CHST12: variants seen among roughly 807,000 people sequenced by gnomAD.
CHST12 encodes the protein carbohydrate (chondroitin 4) sulfotransferase 12.
In CHST12, 23 loss-of-function variants were observed where a neutral mutation model predicts 27.9. The ratio of observed to expected loss-of-function variants is 0.82; its 90% CI spans 0.59 to 1.17. CHST12 has a LOEUF of 1.17. Among genes scored for constraint, CHST12 ranks in the 50% most tolerant of loss-of-function variants. CHST12 has a pLI of 0.00. For missense variants in CHST12, 682 were observed against 603.0 expected, an observed-to-expected ratio of 1.13 and a Z score of -1.37; for synonymous variants, 322 against 273.0, an observed-to-expected ratio of 1.18 and a Z score of -1.77.
At chr7:2,414,081 T>C (rs997359273) in intron 1 of CHST12, among the ~76,000 whole-genome samples, 1 of 152,128 alleles carries the variant, frequency 6.6e-6, no homozygotes, top group East Asian at 1.9e-4. Context: ...GATGAGCACT[T>C]TCCTATGTGC....
In CHST12 at chr7:2,434,548, C is replaced by G. The variant is rs1380637981; in HGVS notation, c.*664C>G. On this transcript the variant is annotated 3_prime_UTR_variant, in exon 2 of 2. Coordinates refer to ENST00000618655, the MANE Select transcript of CHST12 (RefSeq NM_018641.5). Reference sequence around the variant, plus strand: ...ATCGCTTGAGGTCAGGAATTTGAGACCTGGCCAACATGGTGAAACCCTGTC... The same window carrying G: ...ATCGCTTGAGGTCAGGAATTTGAGAGCTGGCCAACATGGTGAAACCCTGTC... The G allele has an allele frequency of 2.4e-5, 3 of 127,348 alleles. 1 individual carries two copies. The Admixed American group carries it at 3.6e-4, about 15-fold the overall frequency. 7.9% of individuals were successfully genotyped at this position (127,348 alleles called of 1,614,324 possible). A position where few individuals can be genotyped will look rare whatever the true frequency, so the allele number is the denominator to read the frequency against.
At chr7:2,417,919 T>C (rs1434125031) in intron 1 of CHST12, among the ~76,000 whole-genome samples, 1 of 152,262 alleles carries the variant, frequency 6.6e-6, no homozygotes, top group Non-Finnish European at 1.5e-5. Flanking sequence ...GTGTGATCGA[T>C]GTCAGTTCTG....
At chr7:2,411,644 C>T (rs542634637) in intron 1 of CHST12, among the ~76,000 whole-genome samples, 4 of 152,160 alleles carry the variant, frequency 2.6e-5, no homozygotes, top group East Asian at 1.9e-4. Context: ...TGCCAGCCAC[C>T]ACACCCAGCT....
At chr7:2,428,531 GC>G (rs1439406785) in intron 1 of CHST12, among the ~76,000 whole-genome samples, 1 of 152,200 alleles carries the variant, frequency 6.6e-6, no homozygotes, top group African/African-American at 2.4e-5. Context: ...GTCCTGCGAT[GC>G]CGCCAATGCA....
Position 2,432,545 on chromosome 7 carries a change from G to A in CHST12, c.-77-18G>A. ...CAGTGCACCTCAGTCATTAACTAGT[G>A]TGTCATTGCATCTGCAGGTTCCCAG... On this transcript the variant is annotated intron_variant, in intron 1 of 1. Transcript: ENST00000618655. The A allele has an allele frequency of 7.4e-7, 1 of 1,352,982 alleles. No homozygotes were observed. Among genetic ancestry groups the A allele is most frequent in the Non-Finnish European group, 1.0e-6 (1 of 997,766 alleles). 83.8% of individuals were successfully genotyped at this position (1,352,982 alleles called of 1,614,324 possible). A position where few individuals can be genotyped will look rare whatever the true frequency, so the allele number is the denominator to read the frequency against.
intron 1 of CHST12, among the ~76,000 whole-genome samples, chr7:2,421,227 C>CTTTTTTTTT (rs60332594): frequency 8.7e-5 from 8 of 92,002 alleles, no homozygotes; most frequent in South Asian, 4.1e-4. Context: ...CCTGCTAATT[C>CTTTTTTTTT]TTTTTTTTTT....
chr7:2,404,741 C>T (rs1006574537), intron 1 of CHST12, among the ~76,000 whole-genome samples: 3 of 152,264 alleles, frequency 2.0e-5, no homozygotes, highest in Non-Finnish European at 2.9e-5. Flanking sequence ...GAGCACCTGC[C>T]TGGAATGGCA....
At chr7:2,407,456 A>G (rs1261807440) in intron 1 of CHST12, among the ~76,000 whole-genome samples, 4 of 152,170 alleles carry the variant, frequency 2.6e-5, no homozygotes, top group Non-Finnish European at 4.4e-5. Flanking sequence ...TCTAAAAAAT[A>G]AAATAAAATA....
chr7:2,437,815 G>A lies in CHST12; in HGVS notation c.*3931G>A, dbSNP rs949099341. On this transcript the variant is annotated 3_prime_UTR_variant, in exon 2 of 2. Transcript: ENST00000618655. ...TTTCCTTCTTCCAGAGGGTGTAGGA[G>A]TTGTGTTCCAAGTTTGTTCCTGCAA... is the stretch of plus-strand genomic sequence containing the variant. 3.3e-5 allele frequency: 5 copies of A among 152,268 alleles called. No individual in the cohort carries two copies. Among genetic ancestry groups the A allele is most frequent in the African/African-American group, 1.2e-4 (5 of 41,420 alleles). 9.4% of individuals were successfully genotyped at this position (152,268 alleles called of 1,614,324 possible). A position where few individuals can be genotyped will look rare whatever the true frequency, so the allele number is the denominator to read the frequency against.
chr7:2,412,305 TGTG>T (rs1781688138), intron 1 of CHST12, among the ~76,000 whole-genome samples: 1 of 152,218 alleles, frequency 6.6e-6, no homozygotes, highest in Non-Finnish European at 1.5e-5. Context: ...GTAGTACCAC[TGTG>T]TGTAAGTTCC....
At chr7:2,403,984 G>A (rs1190191428) in intron 1 of CHST12, 2 of 152,442 alleles carry the variant, frequency 1.3e-5, no homozygotes, top group African/African-American at 2.4e-5. Context: ...CTGTGGTTCT[G>A]ATTCAGCGAC....
rs761140993 is a variant in CHST12, at chr7:2,433,291, A to G, written c.652A>G (p.Lys218Glu). 2 of 1,611,962 alleles carry G rather than the reference A, an allele frequency of 1.2e-6. No homozygotes were observed. Among genetic ancestry groups the G allele is most frequent in the Non-Finnish European group, 8.5e-7 (1 of 1,178,904 alleles). The change falls in exon 2 of 2, where the codon AAG becomes GAG. Residue 218 changes from lysine to glutamate, a missense_variant. By Grantham distance (56) the Lys-to-Glu change is moderately conservative (BLOSUM62 1). Transcript: ENST00000618655. This position sits in a 1 kb window ranked among gnomAD's most constrained non-coding sequence, Gnocchi z 6.1. ...CGCCAGCGCGCACCTGACCTTCAAC[A>G]AGTTCTGGCGCCGCTACGGGAAGCT... ...HNASAHLTFN[K>E]FWRRYGKLSR...
intron 1 of CHST12, among the ~76,000 whole-genome samples, chr7:2,415,460 A>T (rs1037187659): frequency 6.6e-6 from 1 of 152,208 alleles, no homozygotes; most frequent in Non-Finnish European, 1.5e-5. Flanking sequence ...ACGTTAATTT[A>T]AAAATATTGC....
Position 2,414,117 on chromosome 7 carries a change from T to G in CHST12, c.-78+10444T>G, listed in dbSNP as rs899614707. ...TTTCTGACTATTTGTATCTCTTCTT[T>G]TGTGAAACGTCTGTTCAAATTTTTT... On this transcript the variant is annotated intron_variant, in intron 1 of 1. Coordinates refer to ENST00000618655, the MANE Select transcript of CHST12 (RefSeq NM_018641.5). 3.0e-4 allele frequency among the ~76,000 whole-genome samples: 46 copies of G among 151,132 alleles called. 3 individuals carry two copies. Among genetic ancestry groups the G allele is most frequent in the Admixed American group, 2.7e-3 (39 of 14,214 alleles).
chr7:2,406,065 G>A (rs1047324136), intron 1 of CHST12, among the ~76,000 whole-genome samples: 5 of 152,030 alleles, frequency 3.3e-5, no homozygotes, highest in Non-Finnish European at 7.4e-5. Context: ...GGGAAAAGAC[G>A]GGTTATTGAT....
chr7:2,444,258 T>C lies in CHST12; in HGVS notation c.*10374T>C, dbSNP rs1234141483. On this transcript the variant is annotated 3_prime_UTR_variant, in exon 2 of 2. Coordinates refer to ENST00000618655, the MANE Select transcript of CHST12 (RefSeq NM_018641.5). ...GAGATCCCGCCACTGCACTCCAGCC[T>C]GGGCGACAGAGCGAGACTCCGTCTC... 1.7e-5 allele frequency: 2 copies of C among 119,580 alleles called. No individual in the cohort carries two copies. The highest frequency in any genetic ancestry group is 6.8e-5 in the African/African-American group (2 of 29,484). The allele number at this position is 119,580 out of a possible 1,614,324, so 7.4% of individuals were successfully genotyped here.
At chr7:2,410,581 C>A (rs1482848450) in intron 1 of CHST12, among the ~76,000 whole-genome samples, 8 of 152,154 alleles carry the variant, frequency 5.3e-5, no homozygotes, top group Admixed American at 3.3e-4. Flanking sequence ...ATGGGGAGTG[C>A]AGGGTAGAGA....
intron 1 of CHST12, among the ~76,000 whole-genome samples, chr7:2,427,265 G>T (rs77819190): frequency 6.6e-6 from 1 of 152,158 alleles, no homozygotes; most frequent in African/African-American, 2.4e-5. Context: ...TTGCGAGGCC[G>T]AGGTGGCCAG....
At chr7:2,409,947 C>CT (rs376917546) in intron 1 of CHST12, among the ~76,000 whole-genome samples, 65 of 150,264 alleles carry the variant, frequency 4.3e-4, no homozygotes, top group African/African-American at 1.4e-3. Context: ...ATTCTGAGCA[C>CT]TTTTTTTTTT....
Sources: gnomAD v4.1 joint callset for allele counts (sites outside exome capture counted in the v4.1 genomes callset) on GRCh38, gnomAD v4.1.1 for gene constraint, Gnocchi (gnomAD v3.1) non-coding constraint, MANE v1.5 for transcripts, NCBI Gene and HGNC (gene_info 2026-07-23, HGNC 2026-07-21) for gene names.